Variants in ROR1 observed in about 807,000 individuals in gnomAD.
ROR1 encodes the protein ROR family WNT receptor 1, also known as inactive tyrosine-protein kinase transmembrane receptor ROR1.
In ROR1, 19 loss-of-function variants were observed where a neutral mutation model predicts 78.8. The observed-to-expected ratio is 0.24, with a 90% CI of 0.17 to 0.35. ROR1 has a LOEUF of 0.35. Among genes scored for constraint, ROR1 ranks in the 10% least tolerant of loss-of-function variants. ROR1 has a pLI of 1.00. For synonymous variants in ROR1, 386 were observed against 433.6 expected (o/e 0.89, Z 1.36); for missense variants, 917 against 1,177.8 (o/e 0.78, Z 3.24).
intron 4 of ROR1, chr1:64,111,946 A>C (rs1007817961): frequency 6.6e-6 from 1 of 152,224 alleles, no homozygotes; most frequent in Non-Finnish European, 1.5e-5. Flanking sequence ...AAGTCCTTAC[A>C]TTCCACAAAC....
intron 1 of ROR1, among the ~76,000 whole-genome samples, chr1:63,806,462 T>C (rs951172777): frequency 5.2e-4 from 79 of 151,954 alleles, no homozygotes; most frequent in East Asian, 2.5e-3. Flanking sequence ...GGACTACAGG[T>C]GCCCGCCACC....
At chr1:63,997,923 A>G (rs1331702257) in intron 1 of ROR1, among the ~76,000 whole-genome samples, 1 of 152,034 alleles carries the variant, frequency 6.6e-6, no homozygotes, top group Non-Finnish European at 1.5e-5. Context: ...ATCTCCAAAT[A>G]TTATCCCAGT....
chr1:63,796,786 A>G (rs1395839579), intron 1 of ROR1, among the ~76,000 whole-genome samples: 1 of 152,172 alleles, frequency 6.6e-6, no homozygotes, highest in Non-Finnish European at 1.5e-5. Flanking sequence ...GAGGAGTTGC[A>G]GAGTCGAGGT....
chr1:64,031,649 G>A (rs1308084404), intron 2 of ROR1, among the ~76,000 whole-genome samples: 1 of 152,170 alleles, frequency 6.6e-6, no homozygotes, highest in African/African-American at 2.4e-5. Context: ...TTTGTCTGTG[G>A]CATCTTATAT....
chr1:63,815,645 TACTC>T (rs1644887749), intron 1 of ROR1, among the ~76,000 whole-genome samples: 1 of 152,162 alleles, frequency 6.6e-6, no homozygotes. Flanking sequence ...TTTATGAACT[TACTC>T]TATCAGTTGG....
intron 1 of ROR1, among the ~76,000 whole-genome samples, chr1:63,928,900 C>A (rs1468334564): frequency 6.6e-6 from 1 of 152,152 alleles, no homozygotes; most frequent in African/African-American, 2.4e-5. Flanking sequence ...CTTATCCTAA[C>A]AATGAAAGGA....
chr1:64,117,042 A>G (rs540727171), intron 4 of ROR1, among the ~76,000 whole-genome samples: 1 of 152,318 alleles, frequency 6.6e-6, no homozygotes, highest in South Asian at 2.1e-4. Flanking sequence ...TAAAATAAAT[A>G]TGTCCTCAAC....
At position 64,055,035 on chromosome 1, in the gene ROR1, C is replaced by T. The variant is rs145028548; in HGVS notation, c.482+4319C>T. 1.2e-3 allele frequency among the ~76,000 whole-genome samples: 180 copies of T among 152,250 alleles called. 1 individual carries two copies. Among genetic ancestry groups the T allele is most frequent in the African/African-American group, 4.0e-3 (166 of 41,530 alleles). ...CCAGTCATACTGTATTGGGATCCAC[C>T]GTGACGACCTCATTTTAACTTGATT... On this transcript the variant is annotated intron_variant, in intron 4 of 8. Transcript: ENST00000371079.
At chr1:64,175,896 T>G (rs1413310953) in intron 8 of ROR1, among the ~76,000 whole-genome samples, 1 of 152,250 alleles carries the variant, frequency 6.6e-6, no homozygotes, top group Non-Finnish European at 1.5e-5. Flanking sequence ...GGATTTCATA[T>G]GTATTTCAAC....
At chr1:64,053,459 T>C (rs1261055039) in intron 4 of ROR1, among the ~76,000 whole-genome samples, 1 of 152,224 alleles carries the variant, frequency 6.6e-6, no homozygotes, top group East Asian at 1.9e-4. Context: ...TTTCGTTTGG[T>C]TTCCGTTCAT....
At chr1:63,881,270 G>T (rs1645321292) in intron 1 of ROR1, among the ~76,000 whole-genome samples, 1 of 151,996 alleles carries the variant, frequency 6.6e-6, no homozygotes, top group South Asian at 2.1e-4. Context: ...GTGTTCCATG[G>T]GAAAACAATC....
intron 4 of ROR1, among the ~76,000 whole-genome samples, chr1:64,109,455 G>T (rs1020184384): frequency 6.6e-6 from 1 of 152,094 alleles, no homozygotes; most frequent in South Asian, 2.1e-4. Flanking sequence ...ACATCTTTTT[G>T]ACTCAAGCCC....
At chr1:64,137,320 C>T (rs760702331) in intron 4 of ROR1, 49 bp from the exon 5 acceptor site, 4 of 1,608,178 alleles carry the variant, frequency 2.5e-6, no homozygotes, top group Non-Finnish European at 2.6e-6. Context: ...TTGCTGTGCC[C>T]TGTATGTATG....
intron 1 of ROR1, among the ~76,000 whole-genome samples, chr1:63,999,073 T>G (rs1646362672): frequency 6.6e-6 from 1 of 152,260 alleles, no homozygotes; most frequent in African/African-American, 2.4e-5. Context: ...CCTGTTTTTC[T>G]TCCCAGTCTC....
chr1:63,988,113 G>A (rs1646266307), intron 1 of ROR1, among the ~76,000 whole-genome samples: 1 of 152,000 alleles, frequency 6.6e-6, no homozygotes, highest in Non-Finnish European at 1.5e-5. Context: ...ATAACAAATT[G>A]TTCCTCATTA....
chr1:64,020,031 C>T (rs1202358679), intron 2 of ROR1, among the ~76,000 whole-genome samples: 1 of 152,124 alleles, frequency 6.6e-6, no homozygotes, highest in East Asian at 1.9e-4. Context: ...TCACGTGATG[C>T]AGCCACAAGC....
intron 1 of ROR1, among the ~76,000 whole-genome samples, chr1:63,915,466 A>G (rs1645601917): frequency 6.6e-6 from 1 of 152,162 alleles, no homozygotes; most frequent in Non-Finnish European, 1.5e-5. Context: ...TAGCAGACTT[A>G]GAGAATAGGG....
chr1:64,019,477 C>G (rs76441412), intron 2 of ROR1, among the ~76,000 whole-genome samples: 2,439 of 152,036 alleles, frequency 0.016, 39 homozygotes, highest in Non-Finnish European at 0.026. Flanking sequence ...AGCACAAGCC[C>G]CAGAACTCAT....
intron 1 of ROR1, among the ~76,000 whole-genome samples, chr1:63,779,524 G>C (rs1249259630): frequency 1.3e-5 from 2 of 152,142 alleles, no homozygotes; most frequent in Non-Finnish European, 2.9e-5. Flanking sequence ...GAGTTGAAGG[G>C]GGAGGGGATG....
Sources: allele counts gnomAD v4.1 joint callset (sites outside exome capture counted in the v4.1 genomes callset), GRCh38; gene constraint gnomAD v4.1.1; transcripts MANE v1.5; gene names NCBI Gene and HGNC (gene_info 2026-07-23, HGNC 2026-07-21).